Variants in NIPBL observed in about 807,000 individuals in gnomAD.
NIPBL encodes the protein NIPBL cohesin loading factor.
Under a neutral mutation model 321.8 loss-of-function variants are expected in NIPBL, and 19 were observed. That is an observed-to-expected ratio of 0.06 (90% CI 0.04 to 0.09). The LOEUF (loss-of-function observed/expected upper bound fraction) is 0.09. Among genes scored for constraint, NIPBL ranks in the 10% least tolerant of loss-of-function variants. The pLI is 1.00. For synonymous variants in NIPBL, 1,106 were observed against 1,114.1 expected (o/e 0.99, Z 0.14); for missense variants, 2,210 against 3,327.0 (o/e 0.66, Z 8.26).
chr5:36,901,500 C>CTTTTTTTTTTTTTTTTTTTTTTT, intron 1 of NIPBL, among the ~76,000 whole-genome samples: 1 of 77,412 alleles, frequency 1.3e-5, no homozygotes, highest in Non-Finnish European at 2.3e-5. Flanking sequence ...CTTCTAAGTC[C>CTTTTTTTTTTTTTTTTTTTTTTT]TTTTTTTTTT....
At chr5:37,046,331 A>C in intron 38 of NIPBL, 132 bp downstream of exon 38, 1 of 626,606 alleles carries the variant, frequency 1.6e-6, no homozygotes, top group South Asian at 1.8e-5. Flanking sequence ...TATAGAATGT[A>C]GGTCTGAGGA....
At chr5:37,005,544 G>A (rs1031610934) in intron 16 of NIPBL, among the ~76,000 whole-genome samples, 17 of 152,116 alleles carry the variant, frequency 1.1e-4, no homozygotes, top group Non-Finnish European at 1.9e-4. Flanking sequence ...AGCAATGTTC[G>A]CATCAAAGAC....
intron 46 of NIPBL, 99 bp from the exon 47 acceptor site, chr5:37,064,428 A>G (rs1358865201): frequency 1.9e-6 from 3 of 1,573,144 alleles, no homozygotes; most frequent in Non-Finnish European, 2.6e-6. Context: ...GGAAATCCCA[A>G]CTCCCGGCGT....
chr5:37,025,505 AG>A (rs921298168), intron 30 of NIPBL, among the ~76,000 whole-genome samples: 4 of 152,190 alleles, frequency 2.6e-5, no homozygotes, highest in African/African-American at 7.2e-5. Flanking sequence ...TGGTTAGCAG[AG>A]GGAGGGAAGG....
chr5:37,060,863 C>G lies in NIPBL; in HGVS notation c.7705C>G (p.Pro2569Ala). ...AAACAGTAAAATTCAGAAGTACTCTCCATCTGAATCTGCAAAAGTATATGA... is the reference window on the plus strand; with the variant it reads ...AAACAGTAAAATTCAGAAGTACTCTGCATCTGAATCTGCAAAAGTATATGA... ...FSDSKIQKYS[P>A]SESAKVYDKA... The change falls in exon 45 of 47, where the codon CCA becomes GCA. Residue 2569 changes from proline to alanine, a missense_variant. Pro to Ala is a conservative substitution (Grantham distance 27). This residue lies in a region of NIPBL where 159 missense variants were observed against 319.2 expected (regional missense o/e 0.50). Coordinates refer to ENST00000282516, the MANE Select transcript of NIPBL (RefSeq NM_133433.4). The G allele has an allele frequency of 1.2e-6, 2 of 1,613,552 alleles. No homozygotes were observed. The highest frequency in any genetic ancestry group is 1.7e-6 in the Non-Finnish European group (2 of 1,179,772).
chr5:37,000,251 A>G, intron 11 of NIPBL, 122 bp from the exon 12 acceptor site: 1 of 898,412 alleles, frequency 1.1e-6, no homozygotes. Flanking sequence ...AGACAAAATC[A>G]CTGAATTTCC....
At position 36,914,449 on chromosome 5, in the gene NIPBL, C is replaced by T. The variant is rs140022355; in HGVS notation, c.-80+37271C>T. Among the ~76,000 whole-genome samples the T allele has an allele frequency of 1.4e-3, 210 of 149,942 alleles. 1 individual carries two copies. The highest frequency in any genetic ancestry group is 0.01 in the Middle Eastern group (3 of 290). ...AAATCCAAAACTTTTTGAGTGCCTA[C>T]GTGGTGCCACAAGTAGAAAATTCCA... On this transcript the variant is annotated intron_variant, in intron 1 of 46. Transcript: ENST00000282516.
chr5:36,898,680 T>C (rs1746968775), intron 1 of NIPBL, among the ~76,000 whole-genome samples: 1 of 151,990 alleles, frequency 6.6e-6, no homozygotes, highest in Admixed American at 6.6e-5. Flanking sequence ...CCCACCCAAT[T>C]TTGTATTTTT....
intron 1 of NIPBL, chr5:36,885,538 C>A: frequency 1.9e-6 from 1 of 523,226 alleles, no homozygotes. Flanking sequence ...AGAGCAACAC[C>A]CGGGAGCACC....
At position 36,962,170 on chromosome 5, in the gene NIPBL, A is replaced by G. The variant is rs1741697963; in HGVS notation, c.506A>G (p.Gln169Arg). 6.2e-7 allele frequency: 1 copy of G among 1,614,134 alleles called. No individual in the cohort carries two copies. The highest frequency in any genetic ancestry group is 2.2e-5 in the East Asian group (1 of 44,880). Residue 169 changes from glutamine (Q) to arginine (R), a missense_variant, in exon 6 of 47, where the codon CAG becomes CGG. By Grantham distance (43) the Gln-to-Arg change is conservative (BLOSUM62 1). Around this residue, in one of 14 missense-constraint regions of NIPBL, gnomAD observed 464 missense variants for 529.5 expected, o/e 0.88. Transcript: ENST00000282516. Reference sequence around the variant, plus strand: ...AGCTCTGGGAACAGATTTATGCCACAGCAAAATAGCCCAGTGCCTAGTCCA... The same window carrying G: ...AGCTCTGGGAACAGATTTATGCCACGGCAAAATAGCCCAGTGCCTAGTCCA... ...QTSSGNRFMP[Q>R]QNSPVPSPYA...
At chr5:36,880,271 T>A (rs1745404674) in intron 1 of NIPBL, among the ~76,000 whole-genome samples, 1 of 152,076 alleles carries the variant, frequency 6.6e-6, no homozygotes, top group South Asian at 2.1e-4. Flanking sequence ...TTTGAACATA[T>A]CTGTGTTACA....
intron 21 of NIPBL, among the ~76,000 whole-genome samples, chr5:37,011,518 G>A (rs1748122044): frequency 6.6e-6 from 1 of 152,158 alleles, no homozygotes; most frequent in Non-Finnish European, 1.5e-5. Context: ...TTGTGCCACT[G>A]CACCCTGGCC....
intron 1 of NIPBL, among the ~76,000 whole-genome samples, chr5:36,893,381 A>C (rs749382031): frequency 1.3e-5 from 2 of 152,250 alleles, no homozygotes; most frequent in African/African-American, 4.8e-5. Context: ...ACCAGGTGAC[A>C]TACTGCCAAA....
chr5:37,038,933 A>G (rs1279545093), intron 34 of NIPBL, among the ~76,000 whole-genome samples, 195 bp downstream of exon 34: 1 of 152,200 alleles, frequency 6.6e-6, no homozygotes, highest in Non-Finnish European at 1.5e-5. Flanking sequence ...ATTTTGCTGT[A>G]AACTCCTCAA....
At chr5:37,025,845 A>C (rs920125243) in intron 30 of NIPBL, among the ~76,000 whole-genome samples, 14 of 152,088 alleles carry the variant, frequency 9.2e-5, no homozygotes, top group Admixed American at 9.2e-4. Flanking sequence ...ATTCATTAGT[A>C]AATTTACATT....
Position 37,048,490 on chromosome 5 carries a change from CCT to C in NIPBL, c.6590-8_6590-7del, listed in dbSNP as rs536452273. On this transcript the variant is annotated splice_polypyrimidine_tract_variant and intron_variant, in intron 38 of 46. Coordinates refer to ENST00000282516, the MANE Select transcript of NIPBL (RefSeq NM_133433.4). ...TATGAATATATGATGAGATTTTTCC[CCT>C]CTCCCATAGGATTTGCCTTTATTCA... 6.6e-7 allele frequency: 1 copy of C among 1,508,814 alleles called. No homozygotes were observed. Among genetic ancestry groups the C allele is most frequent in the South Asian group, 1.4e-5 (1 of 71,816 alleles). The allele number at this position is 1,508,814 out of a possible 1,614,324, so 93.5% of individuals were successfully genotyped here. A position where few individuals can be genotyped will look rare whatever the true frequency, so the allele number is the denominator to read the frequency against.
intron 25 of NIPBL, among the ~76,000 whole-genome samples, chr5:37,020,182 A>C (rs1013455108): frequency 3.3e-5 from 5 of 152,244 alleles, no homozygotes; most frequent in Admixed American, 2.6e-4. Context: ...TTGATTAAGT[A>C]GTTGATAATA....
intron 6 of NIPBL, among the ~76,000 whole-genome samples, chr5:36,964,712 C>CAAAAAAAAAAA (rs1742015101): frequency 6.6e-6 from 1 of 152,032 alleles, no homozygotes; most frequent in African/African-American, 2.4e-5. Context: ...TTCTGTACAG[C>CAAAAAAAAAAA]AAAAGAAACA....
chr5:36,898,666 C>G (rs79478170), intron 1 of NIPBL, among the ~76,000 whole-genome samples: 6,297 of 152,156 alleles, frequency 0.041, 443 homozygotes, highest in African/African-American at 0.14. Flanking sequence ...CATGCGCCAT[C>G]ACGCCCACCC....
Sources: gnomAD v4.1 joint callset for allele counts (sites outside exome capture counted in the v4.1 genomes callset) on GRCh38, gnomAD v4.1.1 for gene constraint, gnomAD v4.1.1 regional missense constraint, MANE v1.5 for transcripts, NCBI Gene and HGNC (gene_info 2026-07-23, HGNC 2026-07-21) for gene names.